The following PTPRT variants were observed in gnomAD, a reference collection of about 807,000 sequenced individuals.
PTPRT encodes receptor-type tyrosine-protein phosphatase T.
Under a neutral mutation model 176.8 loss-of-function variants are expected in PTPRT, and 56 were observed. The ratio of observed to expected loss-of-function variants is 0.32; its 90% CI spans 0.26 to 0.40. PTPRT has a LOEUF of 0.40. Ranked by LOEUF, PTPRT falls within the 10% of genes least tolerant of loss-of-function variation. PTPRT has a pLI of 1.00. For missense variants in PTPRT, 1,540 were observed against 1,908.2 expected (o/e 0.81, Z 3.60); for synonymous variants, 783 against 739.0 (o/e 1.06, Z -0.96).
Position 42,286,861 on chromosome 20 carries a change from A to G in PTPRT, c.2140-4336T>C, listed in dbSNP as rs550420305. On this transcript the variant is annotated intron_variant, in intron 12 of 30. Transcript: ENST00000373187. The stretch of plus-strand genomic sequence containing the variant: ...AAACTATTCATCCCTCAGGGAATTA[A>G]TATTCACAACATACTAGGAACTCAA... Among the ~76,000 whole-genome samples, 3 of 152,092 alleles carry G rather than the reference A, an allele frequency of 2.0e-5. 1 individual carries two copies. The East Asian group carries it at 5.8e-4, about 29-fold the overall frequency.
intron 8 of PTPRT, among the ~76,000 whole-genome samples, chr20:42,465,766 T>G (rs1010792375): frequency 1.3e-5 from 2 of 152,162 alleles, no homozygotes; most frequent in Non-Finnish European, 2.9e-5. Flanking sequence ...TTAATGGTGT[T>G]TTTATTTCTA....
At chr20:42,636,725 C>A (rs747329223) in intron 7 of PTPRT, among the ~76,000 whole-genome samples, 4 of 151,852 alleles carry the variant, frequency 2.6e-5, no homozygotes, top group Non-Finnish European at 5.9e-5. Context: ...GTGGAGGTTG[C>A]AGTGAGCCGA....
At position 42,129,026 on chromosome 20, in the gene PTPRT, AT is replaced by A. The variant is rs1988002627; in HGVS notation, c.2771-197del. Among the ~76,000 whole-genome samples the A allele has an allele frequency of 2.6e-5, 4 of 152,012 alleles. No individual in the cohort carries two copies. In the South Asian group the frequency reaches 6.2e-4, roughly 24 times the overall value. On this transcript the variant is annotated intron_variant, in intron 18 of 30. Coordinates refer to ENST00000373187, the MANE Select transcript of PTPRT (RefSeq NM_007050.6). ...AGGCTCAGGGAGGTAAGCACTTCTC[AT>A]TTTTCTACCTTCCCTTCTGATTTCG...
the PTPRT span, among the ~76,000 whole-genome samples, chr20:42,054,597 G>T: frequency 6.6e-6 from 1 of 152,112 alleles, no homozygotes; most frequent in African/African-American, 2.4e-5. Flanking sequence ...AGAGGTATGA[G>T]GGGGCCCCTT....
At chr20:42,102,020 G>T (rs1033254475) in intron 26 of PTPRT, 104 bp downstream of exon 26, 2 of 1,355,090 alleles carry the variant, frequency 1.5e-6, no homozygotes, top group Admixed American at 4.0e-5. Context: ...AGCAGGGGGG[G>T]CTGGCTGGTG....
At chr20:42,450,467 AG>A (rs1157375184) in intron 8 of PTPRT, among the ~76,000 whole-genome samples, 20 of 152,310 alleles carry the variant, frequency 1.3e-4, no homozygotes, top group Non-Finnish European at 1.5e-5. Context: ...CAGCCTAATT[AG>A]CCATTCACAT....
intron 9 of PTPRT, among the ~76,000 whole-genome samples, chr20:42,388,029 AT>A (rs1476057675): frequency 2.0e-5 from 3 of 152,174 alleles, no homozygotes; most frequent in Middle Eastern, 6.8e-3. Flanking sequence ...TGACCTCGTG[AT>A]CCCCCACCTT....
At chr20:42,572,633 T>A (rs1289255841) in intron 7 of PTPRT, among the ~76,000 whole-genome samples, 1 of 152,204 alleles carries the variant, frequency 6.6e-6, no homozygotes, top group Admixed American at 6.5e-5. Flanking sequence ...TCTCATGCAT[T>A]CCCATACTGT....
At chr20:43,063,160 A>G (rs143310120) in intron 1 of PTPRT, among the ~76,000 whole-genome samples, 10 of 152,358 alleles carry the variant, frequency 6.6e-5, no homozygotes, top group African/African-American at 2.2e-4. Flanking sequence ...AAAAGATTAA[A>G]CAATAATGGC....
At chr20:43,075,346 G>A (rs529031966) in intron 1 of PTPRT, among the ~76,000 whole-genome samples, 1 of 152,368 alleles carries the variant, frequency 6.6e-6, no homozygotes, top group South Asian at 2.1e-4. Flanking sequence ...CCTCTCCTGC[G>A]GAGATGCACA....
intron 27 of PTPRT, among the ~76,000 whole-genome samples, chr20:42,090,564 A>G (rs1024274829): frequency 6.6e-6 from 1 of 152,212 alleles, no homozygotes; most frequent in African/African-American, 2.4e-5. Context: ...CATACTGTGC[A>G]TGTATTTCTT....
chr20:43,024,019 CCA>C (rs1332317588), intron 1 of PTPRT, among the ~76,000 whole-genome samples: 1 of 152,178 alleles, frequency 6.6e-6, no homozygotes, highest in Non-Finnish European at 1.5e-5. Flanking sequence ...AGCAGGCTCC[CCA>C]CAGTCTTTGC....
intron 2 of PTPRT, among the ~76,000 whole-genome samples, chr20:42,823,122 G>T (rs1015305185): frequency 5.9e-5 from 9 of 152,110 alleles, no homozygotes; most frequent in African/African-American, 1.7e-4. Flanking sequence ...CAATAGCAAA[G>T]ACATGGAGCC....
chr20:42,240,314 G>A (rs916489706), intron 14 of PTPRT, among the ~76,000 whole-genome samples: 2 of 151,998 alleles, frequency 1.3e-5, no homozygotes, highest in Admixed American at 6.6e-5. Context: ...GACCAAAACA[G>A]TTTACATGTG....
intron 17 of PTPRT, among the ~76,000 whole-genome samples, chr20:42,142,568 C>T (rs1377438793): frequency 6.6e-6 from 1 of 152,118 alleles, no homozygotes; most frequent in Non-Finnish European, 1.5e-5. Flanking sequence ...CTCCCTTATC[C>T]TTGGAGGATT....
intron 7 of PTPRT, among the ~76,000 whole-genome samples, chr20:42,573,273 G>T (rs184126702): frequency 1.3e-5 from 2 of 152,212 alleles, no homozygotes; most frequent in East Asian, 3.9e-4. Context: ...CCTGCACTGG[G>T]CAAGGCAAGC....
chr20:42,749,776 A>T (rs1390899116), intron 6 of PTPRT, among the ~76,000 whole-genome samples: 1 of 152,216 alleles, frequency 6.6e-6, no homozygotes, highest in Non-Finnish European at 1.5e-5. Flanking sequence ...TTATTAAGCA[A>T]ATGAATACAG....
chr20:42,576,662 C>A (rs935719774), intron 7 of PTPRT, among the ~76,000 whole-genome samples: 1 of 152,054 alleles, frequency 6.6e-6, no homozygotes, highest in African/African-American at 2.4e-5. Context: ...AGAAAAAGAA[C>A]CTGGCTTTCA....
chr20:42,133,820 C>T (rs1323083956), intron 18 of PTPRT, among the ~76,000 whole-genome samples: 2 of 152,180 alleles, frequency 1.3e-5, no homozygotes, highest in Non-Finnish European at 2.9e-5. Context: ...TTCTGCTCAA[C>T]TTTTCTGTAA....
Sources: allele counts gnomAD v4.1 joint callset (sites outside exome capture counted in the v4.1 genomes callset), GRCh38; gene constraint gnomAD v4.1.1; transcripts MANE v1.5; gene names NCBI Gene and HGNC (gene_info 2026-07-23, HGNC 2026-07-21).